The following ZNF638 variants were observed in gnomAD, a reference collection of about 807,000 sequenced individuals.
ZNF638 encodes zinc finger protein 638, also known as CTCL tumor antigen se33-1.
In ZNF638, 46 loss-of-function variants were observed where a neutral mutation model predicts 195.6. The observed-to-expected ratio is 0.24, with a 90% CI of 0.19 to 0.30. The LOEUF (loss-of-function observed/expected upper bound fraction) is 0.30, where lower values mean the gene tolerates loss of function less well. Ranked by LOEUF, ZNF638 falls within the 10% of genes least tolerant of loss-of-function variation. The pLI, the probability that ZNF638 is intolerant of heterozygous loss-of-function variation, is 1.00. For missense variants in ZNF638, 2,440 were observed against 2,325.3 expected (o/e 1.05, Z -1.01); for synonymous variants, 845 against 772.0 (o/e 1.09, Z -1.57).
intron 1 of ZNF638, among the ~76,000 whole-genome samples, chr2:71,339,648 G>C (rs1008137432): frequency 6.6e-6 from 1 of 152,200 alleles, no homozygotes; most frequent in Non-Finnish European, 1.5e-5. Context: ...GCTTACCTCT[G>C]TTCCAGTGGC....
In ZNF638 at chr2:71,368,323, T is replaced by C. The variant is rs1048085867; in HGVS notation, c.1996-59T>C. 8.1e-6 allele frequency: 12 copies of C among 1,475,594 alleles called. No homozygotes were observed. In the African/African-American group the frequency reaches 8.5e-5, roughly 10 times the overall value. The allele number at this position is 1,475,594 out of a possible 1,614,324, so 91.4% of individuals were successfully genotyped here. ...GTAGAAGAAATTATATAGGAAATTATTACTGTACATTGTAGCTTAATTTGG... is the reference window on the plus strand; with the variant it reads ...GTAGAAGAAATTATATAGGAAATTACTACTGTACATTGTAGCTTAATTTGG... On this transcript the variant is annotated intron_variant, in intron 6 of 27. Coordinates refer to ENST00000264447, the MANE Select transcript of ZNF638 (RefSeq NM_014497.5).
chr2:71,411,058 C>T (rs1414729640), intron 20 of ZNF638, among the ~76,000 whole-genome samples: 5 of 128,418 alleles, frequency 3.9e-5, no homozygotes, highest in African/African-American at 1.5e-4. Flanking sequence ...AGTGCAGTGG[C>T]GTGACCTCGG....
At chr2:71,395,918 G>A in intron 10 of ZNF638, 1 of 578,384 alleles carries the variant, frequency 1.7e-6, no homozygotes, top group Non-Finnish European at 3.0e-6. Context: ...CTTTCTGAAG[G>A]TCAGTCTAAT....
chr2:71,392,971 C>T (rs1354347430), intron 10 of ZNF638, among the ~76,000 whole-genome samples: 1 of 152,190 alleles, frequency 6.6e-6, no homozygotes, highest in Non-Finnish European at 1.5e-5. Flanking sequence ...CATTAAACAT[C>T]TTTTAACTTT....
chr2:71,367,481 T>C (rs1382375826), intron 6 of ZNF638, among the ~76,000 whole-genome samples: 2 of 147,494 alleles, frequency 1.4e-5, no homozygotes, highest in Non-Finnish European at 3.0e-5. Context: ...TCACCCAGGC[T>C]GGAGTGCAGT....
At chr2:71,366,070 G>T (rs895559398) in intron 6 of ZNF638, among the ~76,000 whole-genome samples, 2 of 152,190 alleles carry the variant, frequency 1.3e-5, no homozygotes, top group Non-Finnish European at 2.9e-5. Flanking sequence ...CAAAGTTGTT[G>T]CCAGGCATGG....
chr2:71,342,194 C>G (rs1035528314), intron 1 of ZNF638, among the ~76,000 whole-genome samples: 1 of 119,690 alleles, frequency 8.4e-6, no homozygotes, highest in African/African-American at 3.2e-5. Context: ...GCACTCCAGC[C>G]TGGGTGACAG....
chr2:71,428,224 A>T (rs539905421), intron 24 of ZNF638, among the ~76,000 whole-genome samples: 14 of 152,298 alleles, frequency 9.2e-5, no homozygotes, highest in Non-Finnish European at 1.8e-4. Context: ...TGAAAGATTT[A>T]ACTCAACTAA....
At chr2:71,364,955 C>T (rs963846786) in intron 5 of ZNF638, among the ~76,000 whole-genome samples, 2 of 152,072 alleles carry the variant, frequency 1.3e-5, no homozygotes, top group Non-Finnish European at 2.9e-5. Context: ...TTCTTTTAAG[C>T]TCAACATTAA....
At position 71,431,426 on chromosome 2, in the gene ZNF638, A is replaced by C. The variant is rs151107068; in HGVS notation, c.5750A>C (p.Glu1917Ala). 1.7e-4 allele frequency: 275 copies of C among 1,612,904 alleles called. No individual in the cohort carries two copies. The highest frequency in any genetic ancestry group is 2.1e-4 in the Non-Finnish European group (242 of 1,179,432). Reference sequence around the variant, plus strand: ...AAATCAGTGGCGTCTGATGTCCCTGAGGGTAAAGTTAAAATGACATTTTTT... The same window carrying C: ...AAATCAGTGGCGTCTGATGTCCCTGCGGGTAAAGTTAAAATGACATTTTTT... ...SGKSVASDVP[E>A]ELDFLVPKAG... Residue 1917 changes from glutamate (E) to alanine (A), a missense_variant and splice_region_variant, in exon 26 of 28, where the codon GAG (glutamate) becomes GCG (alanine). By Grantham distance (107) the Glu-to-Ala change is moderately radical (BLOSUM62 -1). Coordinates refer to ENST00000264447, the MANE Select transcript of ZNF638 (RefSeq NM_014497.5).
Position 71,400,529 on chromosome 2 carries a change from A to G in ZNF638, c.2697+11A>G, listed in dbSNP as rs978372129. 14 of 1,594,600 alleles carry G rather than the reference A, an allele frequency of 8.8e-6. No individual in the cohort carries two copies. The highest frequency in any genetic ancestry group is 1.8e-5 in the Admixed American group (1 of 55,834). On this transcript the variant is annotated intron_variant, in intron 15 of 27. Transcript: ENST00000264447. ...GAACCACTTAACAAGGTCAGTTTTC[A>G]TGTTTTATTTATTTCTTTAAAGCTC...
At chr2:71,388,799 G>A in intron 10 of ZNF638, 1 of 796,020 alleles carries the variant, frequency 1.3e-6, no homozygotes, top group Non-Finnish European at 2.2e-6. Flanking sequence ...TGAGACAACA[G>A]CTGTCCGCAC....
chr2:71,383,929 A>C (rs563990691), intron 10 of ZNF638, among the ~76,000 whole-genome samples: 1 of 151,694 alleles, frequency 6.6e-6, no homozygotes, highest in Non-Finnish European at 1.5e-5. Context: ...CTTTCCTGTC[A>C]GTCTTTAAGG....
At chr2:71,405,742 T>G in intron 18 of ZNF638, 100 bp downstream of exon 18, 1 of 868,030 alleles carries the variant, frequency 1.2e-6, no homozygotes, top group Non-Finnish European at 1.8e-6. Flanking sequence ...GAACTAATTT[T>G]AAGATATTGA....
chr2:71,417,079 G>C (rs1028862178), intron 20 of ZNF638, among the ~76,000 whole-genome samples: 1 of 124,726 alleles, frequency 8.0e-6, no homozygotes, highest in Non-Finnish European at 1.7e-5. Context: ...CCCCAGCCTC[G>C]TTGCCGCCTT....
intron 2 of ZNF638, among the ~76,000 whole-genome samples, chr2:71,354,540 A>C (rs900658131): frequency 1.1e-4 from 17 of 152,158 alleles, no homozygotes; most frequent in African/African-American, 4.1e-4. Flanking sequence ...GTTCGAGACC[A>C]GCCTGACAAA....
chr2:71,426,122 C>G (rs540880187), intron 23 of ZNF638, among the ~76,000 whole-genome samples: 20 of 152,224 alleles, frequency 1.3e-4, no homozygotes, highest in African/African-American at 4.3e-4. Context: ...ACATATGGAA[C>G]AGTAAATCCT....
At chr2:71,336,521 C>G (rs1407197030) in intron 1 of ZNF638, among the ~76,000 whole-genome samples, 1 of 152,052 alleles carries the variant, frequency 6.6e-6, no homozygotes, top group Non-Finnish European at 1.5e-5. Context: ...AATTACTCGT[C>G]TTACTAAAAG....
chr2:71,423,254 C>G lies in ZNF638; in HGVS notation c.3740C>G (p.Ala1247Gly), dbSNP rs752917738. ...ATTCTAGAAGAATCTCCATCTGAAG[C>G]AGAAGATTTCATTTCTGGAATTACA... ...KGILEESPSE[A>G]EDFISGITQT... Residue 1247 changes from alanine (A) to glycine (G), a missense_variant, in exon 22 of 28, where the codon GCA becomes GGA. Physicochemically the swap from Ala to Gly is moderately conservative, Grantham distance 60 (BLOSUM62 0). Coordinates refer to ENST00000264447, the MANE Select transcript of ZNF638 (RefSeq NM_014497.5). 3 of 1,613,888 alleles carry G rather than the reference C, an allele frequency of 1.9e-6. No homozygotes were observed. The highest frequency in any genetic ancestry group is 2.5e-6 in the Non-Finnish European group (3 of 1,179,988).
Sources: gnomAD v4.1 joint callset for allele counts (sites outside exome capture counted in the v4.1 genomes callset) on GRCh38, gnomAD v4.1.1 for gene constraint, MANE v1.5 for transcripts, NCBI Gene and HGNC (gene_info 2026-07-23, HGNC 2026-07-21) for gene names.